Variants in ATP5PO observed in about 807,000 individuals in gnomAD.
ATP5PO encodes ATP synthase peripheral stalk subunit OSCP, also known as ATP synthase peripheral stalk subunit OSCP, mitochondrial.
ATP5PO carries 14 observed loss-of-function variants against 26.2 expected under a neutral mutation model. The ratio of observed to expected loss-of-function variants is 0.53; its 90% CI spans 0.35 to 0.83. The LOEUF is 0.83. ATP5PO is among the 40% of genes least tolerant of loss of function. The pLI is 0.01. For missense variants in ATP5PO, 241 were observed against 258.5 expected (o/e 0.93, Z 0.46); for synonymous variants, 106 against 95.1 (o/e 1.12, Z -0.67).
intron 2 of ATP5PO, 28 bp from the exon 3 acceptor site, chr21:33,912,427 GAAAGAAA>G: frequency 3.3e-6 from 5 of 1,530,332 alleles, no homozygotes; most frequent in Non-Finnish European, 4.5e-6. Context: ...AATAGGAGAG[GAAAGAAA>G]AAGGAAAATC....
chr21:33,914,618 A>G, intron 1 of ATP5PO, 118 bp from the exon 2 acceptor site: 1 of 893,550 alleles, frequency 1.1e-6, no homozygotes, highest in Non-Finnish European at 1.7e-6. Context: ...GTCTCTTTGT[A>G]TATTCACATA....
chr21:33,908,888 C>T (rs1987210544), intron 4 of ATP5PO, 194 bp downstream of exon 4: 3 of 562,804 alleles, frequency 5.3e-6, no homozygotes, highest in Non-Finnish European at 8.9e-6. Context: ...CGATGCTCCT[C>T]ACACTTCAAT....
chr21:33,915,781 T>C lies in ATP5PO; in HGVS notation c.-18A>G, dbSNP rs1415998738. On this transcript the variant is annotated 5_prime_UTR_variant, in exon 1 of 7. Coordinates refer to ENST00000290299, the MANE Select transcript of ATP5PO (RefSeq NM_001697.3). ...GCAGCCATCTTCTCCCGGGCGGCTG[T>C]AGGTCAAACCCGAGTGGGAAGAGAG... 4 of 1,564,818 alleles carry C rather than the reference T, an allele frequency of 2.6e-6. No homozygotes were observed. The highest frequency in any genetic ancestry group is 2.4e-5 in the East Asian group (1 of 42,508).
At position 33,912,329 on chromosome 21, in the gene ATP5PO, TTCTGTTTTGATGC is replaced by T; in HGVS notation, c.145_157del (p.Ala49IlefsTer6). On this transcript the variant is annotated frameshift_variant, in exon 3 of 7. Transcript: ENST00000290299. LOFTEE classifies it high-confidence loss of function. ...CTCCTTTTCTACTTGCTCCAGCTTATTCTGTTTTGATGCAGCAGAATAAAGAGCTGTGGCATAG... is the reference window on the plus strand; with the variant it reads ...CTCCTTTTCTACTTGCTCCAGCTTATAGCAGAATAAAGAGCTGTGGCATAG... 6.2e-7 allele frequency: 1 copy of T among 1,613,692 alleles called. No individual in the cohort carries two copies.
intron 4 of ATP5PO, among the ~76,000 whole-genome samples, chr21:33,908,246 A>T (rs116446385): frequency 1.4e-3 from 209 of 148,100 alleles, no homozygotes; most frequent in African/African-American, 4.6e-3. Flanking sequence ...TTTTTTTTTT[A>T]AATAGACTGC....
At chr21:33,914,301 A>G in intron 2 of ATP5PO, 149 bp downstream of exon 2, 1 of 616,094 alleles carries the variant, frequency 1.6e-6, no homozygotes, top group Non-Finnish European at 2.7e-6. Context: ...TCCTTTCCCC[A>G]CCCTATGCAC....
At chr21:33,915,479 G>A in intron 1 of ATP5PO, 1 of 555,062 alleles carries the variant, frequency 1.8e-6, no homozygotes, top group South Asian at 2.5e-5. Context: ...CCTCAGGCTA[G>A]CAGCTTCCAG....
At chr21:33,915,558 C>G in intron 1 of ATP5PO, 170 bp downstream of exon 1, 2 of 1,042,760 alleles carry the variant, frequency 1.9e-6, no homozygotes, top group Non-Finnish European at 2.7e-6. Flanking sequence ...GTAGGCATCC[C>G]GGGGGACAAA....
chr21:33,904,490 C>T (rs1987143220), intron 5 of ATP5PO, among the ~76,000 whole-genome samples: 1 of 152,184 alleles, frequency 6.6e-6, no homozygotes, highest in Admixed American at 6.5e-5. Flanking sequence ...GTTTGCCTAG[C>T]TCTGCTGGCT....
In ATP5PO at chr21:33,912,335, T is replaced by A. The variant is rs1987260142; in HGVS notation, c.152A>T (p.Lys51Ile). The change falls in exon 3 of 7, where the codon AAA becomes ATA. Residue 51 changes from lysine (K) to isoleucine (I), a missense_variant. By Grantham distance (102) the Lys-to-Ile change is moderately radical. This residue lies in a region of ATP5PO where 125 missense variants were observed against 108.5 expected (regional missense o/e 1.15). Coordinates refer to ENST00000290299, the MANE Select transcript of ATP5PO (RefSeq NM_001697.3). ...YATALYSAASKQNKLEQVEKE... is the reference protein window; with the variant it reads ...YATALYSAASIQNKLEQVEKE... Reference sequence around the variant, plus strand: ...TTCTACTTGCTCCAGCTTATTCTGTTTTGATGCAGCAGAATAAAGAGCTGT... The same window carrying A: ...TTCTACTTGCTCCAGCTTATTCTGTATTGATGCAGCAGAATAAAGAGCTGT... The A allele has an allele frequency of 1.2e-6, 2 of 1,613,670 alleles. No homozygotes were observed. Among genetic ancestry groups the A allele is most frequent in the East Asian group, 4.5e-5 (2 of 44,848 alleles).
intron 4 of ATP5PO, among the ~76,000 whole-genome samples, chr21:33,908,146 T>C (rs1049583246): frequency 1.8e-4 from 22 of 121,748 alleles, no homozygotes; most frequent in African/African-American, 6.2e-4. Context: ...CCAGCTTGGG[T>C]GACAGAAAGG....
Position 33,903,511 on chromosome 21 carries a change from A to C in ATP5PO, c.*15T>G. On this transcript the variant is annotated 3_prime_UTR_variant, in exon 7 of 7. Coordinates refer to ENST00000290299, the MANE Select transcript of ATP5PO (RefSeq NM_001697.3). ...AAGTTTAAGAATTTTCACTGATGGC[A>C]GAAAACCAACACTTTTAGACAATCT... The C allele has an allele frequency of 6.2e-7, 1 of 1,602,662 alleles. No homozygotes were observed. The highest frequency in any genetic ancestry group is 8.5e-7 in the Non-Finnish European group (1 of 1,171,628).
Position 33,903,544 on chromosome 21 carries a change from A to C in ATP5PO, c.624T>G (p.Ala208=). ...VKTKIQKLGR[A]MREIV ...AACACTTTTAGACAATCTCCCGCAT[A>C]GCCCTGCCCAGCTTCTGAATCTTGG... is the stretch of plus-strand genomic sequence containing the variant. Residue 208 remains alanine (A), a synonymous_variant, in exon 7 of 7, where the codon GCT becomes GCG. Coordinates refer to ENST00000290299, the MANE Select transcript of ATP5PO (RefSeq NM_001697.3). The C allele has an allele frequency of 6.2e-7, 1 of 1,613,634 alleles. No homozygotes were observed. Among genetic ancestry groups the C allele is most frequent in the Non-Finnish European group, 8.5e-7 (1 of 1,179,782 alleles).
intron 1 of ATP5PO, chr21:33,915,454 C>A (rs757430960): frequency 3.3e-5 from 17 of 512,138 alleles, no homozygotes; most frequent in Non-Finnish European, 4.1e-5. Context: ...AAGGGCAGAC[C>A]CCCTCTCCTG....
At chr21:33,914,249 G>A (rs1003909562) in intron 2 of ATP5PO, among the ~76,000 whole-genome samples, 21 of 151,382 alleles carry the variant, frequency 1.4e-4, no homozygotes, top group African/African-American at 5.1e-4. Context: ...CATATTTAAA[G>A]ATTATGCATG....
intron 4 of ATP5PO, 106 bp downstream of exon 4, chr21:33,908,976 C>T (rs1435260379): frequency 3.8e-5 from 50 of 1,309,990 alleles, no homozygotes; most frequent in Admixed American, 7.3e-5. Flanking sequence ...TGAGATTCTT[C>T]ACTGCCAACA....
At chr21:33,907,027 C>T (rs1987182126) in intron 5 of ATP5PO, 2 of 362,352 alleles carry the variant, frequency 5.5e-6, no homozygotes, top group South Asian at 2.3e-5. Flanking sequence ...CAGGAAACTA[C>T]TTCAAGTGGT....
In ATP5PO at chr21:33,907,427, T is replaced by C; in HGVS notation, c.355A>G (p.Ser119Gly). ...GCAGAAACGACTCCTTGGGTATTGCTTAATCGACCATTTTCAGCAAGCAAA... is the reference window on the plus strand; with the variant it reads ...GCAGAAACGACTCCTTGGGTATTGCCTAATCGACCATTTTCAGCAAGCAAA... ...INLLAENGRL[S>G]NTQGVVSAFS... The change falls in exon 5 of 7, where the codon AGC (serine) becomes GGC (glycine). Residue 119 changes from serine to glycine, a missense_variant. Physicochemically the swap from Ser to Gly is moderately conservative, Grantham distance 56. Transcript: ENST00000290299. The C allele has an allele frequency of 6.2e-7, 1 of 1,614,134 alleles. No individual in the cohort carries two copies. The highest frequency in any genetic ancestry group is 1.1e-5 in the South Asian group (1 of 91,074).
At chr21:33,904,077 G>T in intron 5 of ATP5PO, 56 bp from the exon 6 acceptor site, 1 of 1,474,778 alleles carries the variant, frequency 6.8e-7, no homozygotes, top group East Asian at 2.3e-5. Context: ...AACTTCCAGA[G>T]TTAAAATACC....
Sources: allele counts gnomAD v4.1 joint callset (sites outside exome capture counted in the v4.1 genomes callset), GRCh38; gene constraint gnomAD v4.1.1; regional missense constraint gnomAD v4.1.1; transcripts MANE v1.5; gene names NCBI Gene and HGNC (gene_info 2026-07-23, HGNC 2026-07-21).